ACVR1B: variants seen among roughly 807,000 people sequenced by gnomAD.
ACVR1B encodes activin A receptor type 1B.
ACVR1B carries 15 observed loss-of-function variants against 55.6 expected under a neutral mutation model. The observed-to-expected ratio is 0.27, with a 90% confidence interval of 0.18 to 0.42. The LOEUF is 0.42. Among genes scored for constraint, ACVR1B ranks in the 10% least tolerant of loss-of-function variants. ACVR1B has a pLI of 1.00. For synonymous variants in ACVR1B, 247 were observed against 254.6 expected, an observed-to-expected ratio of 0.97 and a Z score of 0.28; for missense variants, 359 against 670.1, an observed-to-expected ratio of 0.54 and a Z score of 5.13.
chr12:51,983,958 T>A, intron 4 of ACVR1B, 41 bp from the exon 5 acceptor site: 2 of 1,610,356 alleles, frequency 1.2e-6, no homozygotes, highest in Non-Finnish European at 1.7e-6. Context: ...GTTTTGCTGA[T>A]AGTTACACTT....
chr12:51,993,929 C>G, intron 8 of ACVR1B, 56 bp from the exon 9 acceptor site: 4 of 1,602,140 alleles, frequency 2.5e-6, no homozygotes, highest in Non-Finnish European at 3.4e-6. Flanking sequence ...AGCCTAGGGA[C>G]CAGAAAGGCT....
Position 51,994,137 on chromosome 12 carries a change from C to G in ACVR1B, c.*27C>G, listed in dbSNP as rs1942252892. On this transcript the variant is annotated 3_prime_UTR_variant, in exon 9 of 9. Transcript: ENST00000257963. This position sits in a 1 kb window ranked among gnomAD's most constrained non-coding sequence, Gnocchi z 4.2. The stretch of plus-strand genomic sequence containing the variant: ...TGCTCCCTCTCTCCACACGGAGCTC[C>G]TGGCAGCGAGAACTACGCACAGCTG... 1.2e-6 allele frequency: 2 copies of G among 1,610,422 alleles called. No individual in the cohort carries two copies. The highest frequency in any genetic ancestry group is 1.7e-6 in the Non-Finnish European group (2 of 1,179,666).
chr12:51,985,986 G>A (rs1032423691), intron 6 of ACVR1B, among the ~76,000 whole-genome samples: 7 of 152,098 alleles, frequency 4.6e-5, no homozygotes, highest in Non-Finnish European at 8.8e-5. Context: ...TGGGGTGGCT[G>A]GAATCATAGT....
intron 1 of ACVR1B, 127 bp from the exon 2 acceptor site, chr12:51,975,138 T>G: frequency 2.3e-6 from 3 of 1,315,344 alleles, no homozygotes; most frequent in Non-Finnish European, 3.1e-6. Context: ...GATATCTTTT[T>G]GGCCCCATCT....
chr12:51,980,754 G>A (rs184563515), intron 3 of ACVR1B, among the ~76,000 whole-genome samples: 116 of 152,266 alleles, frequency 7.6e-4, no homozygotes, highest in African/African-American at 2.7e-3. Context: ...CACGTTTCCT[G>A]TTTGTGTTCA....
At chr12:51,978,432 G>T (rs1941910124) in intron 3 of ACVR1B, among the ~76,000 whole-genome samples, 1 of 152,100 alleles carries the variant, frequency 6.6e-6, no homozygotes, top group African/African-American at 2.4e-5. Flanking sequence ...CTAATAATGT[G>T]GTTTTTAAAG....
rs148825390 is a variant in ACVR1B at position 51,992,493 on chromosome 12, C to A, written c.1392+500C>A. The stretch of plus-strand genomic sequence containing the variant: ...TTCAGCCTGGGCAACAGAGCAAGAC[C>A]CTGTCTCATAAAAGAAAAAGGACAA... On this transcript the variant is annotated intron_variant, in intron 8 of 8. Coordinates refer to ENST00000257963, the MANE Select transcript of ACVR1B (RefSeq NM_004302.5). 3.7e-4 allele frequency among the ~76,000 whole-genome samples: 57 copies of A among 152,212 alleles called. 3 individuals are homozygous for A. The East Asian group carries it at 0.011, about 29-fold the overall frequency.
At chr12:51,989,711 C>T (rs1219414677) in intron 7 of ACVR1B, among the ~76,000 whole-genome samples, 3 of 152,132 alleles carry the variant, frequency 2.0e-5, no homozygotes, top group African/African-American at 7.2e-5. Flanking sequence ...TTAGGCCGGG[C>T]GCGGTGGCTC....
At chr12:51,959,405 C>T (rs1049926689) in intron 1 of ACVR1B, among the ~76,000 whole-genome samples, 1 of 152,228 alleles carries the variant, frequency 6.6e-6, no homozygotes, top group Non-Finnish European at 1.5e-5. Context: ...ACTCTAGGAG[C>T]TGAGAGTGGT....
intron 7 of ACVR1B, among the ~76,000 whole-genome samples, chr12:51,989,700 A>G (rs947428946): frequency 5.3e-5 from 8 of 152,140 alleles, no homozygotes; most frequent in Admixed American, 1.3e-4. Flanking sequence ...AAAAATGAAC[A>G]TTAGGCCGGG....
Position 51,994,370 on chromosome 12 carries a change from C to T in ACVR1B, c.*260C>T. ...GGAGAACTCAGTGCCACACCTCGAA[C>T]TGGTTGTAGTGGGAAGTCCCGCGAA... On this transcript the variant is annotated 3_prime_UTR_variant, in exon 9 of 9. Transcript: ENST00000257963. This position sits in a 1 kb window ranked among gnomAD's most constrained non-coding sequence, Gnocchi z 4.2. 4.7e-6 allele frequency: 2 copies of T among 423,818 alleles called. No individual in the cohort carries two copies. The highest frequency in any genetic ancestry group is 8.5e-6 in the Non-Finnish European group (2 of 233,962). 26.3% of individuals were successfully genotyped at this position (423,818 alleles called of 1,614,324 possible). A position where few individuals can be genotyped will look rare whatever the true frequency, so the allele number is the denominator to read the frequency against.
At chr12:51,953,689 G>A (rs1941356162) in intron 1 of ACVR1B, among the ~76,000 whole-genome samples, 1 of 151,556 alleles carries the variant, frequency 6.6e-6, no homozygotes, top group Non-Finnish European at 1.5e-5. Context: ...TTTTTATCCT[G>A]CCCCTAATAT....
intron 1 of ACVR1B, among the ~76,000 whole-genome samples, chr12:51,955,179 A>G (rs1476761919): frequency 6.6e-6 from 1 of 152,212 alleles, no homozygotes; most frequent in East Asian, 1.9e-4. Flanking sequence ...AAGTGGCCAG[A>G]ATGGTGACTG....
rs73094760 is a variant in ACVR1B at position 51,958,247 on chromosome 12, A to G, written c.91+6413A>G. ...CATTTCCAGACTGCAAACTAAACAT[A>G]TGCATGTTGAGTACCTACCATGGTG... On this transcript the variant is annotated intron_variant, in intron 1 of 8. Transcript: ENST00000257963. Among the ~76,000 whole-genome samples the G allele has an allele frequency of 6.5e-3, 991 of 152,372 alleles. 7 individuals are homozygous for G. The highest frequency in any genetic ancestry group is 0.012 in the Non-Finnish European group (830 of 68,042).
chr12:51,992,517 A>G (rs548851517), intron 8 of ACVR1B, among the ~76,000 whole-genome samples: 14 of 152,274 alleles, frequency 9.2e-5, no homozygotes, highest in African/African-American at 2.9e-4. Context: ...GAAAAAGGAC[A>G]AGGCTTTGTC....
intron 1 of ACVR1B, among the ~76,000 whole-genome samples, chr12:51,971,153 C>T (rs1941740742): frequency 6.6e-6 from 1 of 152,164 alleles, no homozygotes; most frequent in African/African-American, 2.4e-5. Context: ...GTGTTAGGCG[C>T]CTCTATAACA....
intron 1 of ACVR1B, among the ~76,000 whole-genome samples, chr12:51,966,988 C>T (rs1051644883): frequency 2.6e-5 from 4 of 152,142 alleles, no homozygotes; most frequent in Admixed American, 1.3e-4. Flanking sequence ...TGCCTGTAAT[C>T]CCAGCACTTT....
rs984741070 is a variant in ACVR1B, at chr12:51,985,077, C to G, written c.980-115C>G. The G allele has an allele frequency of 2.7e-6, 3 of 1,110,238 alleles. No individual in the cohort carries two copies. In the African/African-American group the frequency reaches 4.8e-5, roughly 18 times the overall value. The allele number at this position is 1,110,238 out of a possible 1,614,324, so 68.8% of individuals were successfully genotyped here. ...GGCTAAAGTCACTTTTCCAGGGTCA[C>G]TGGATTAGCAGGAGGCAAAGCCAGG... On this transcript the variant is annotated intron_variant, in intron 5 of 8. Transcript: ENST00000257963.
intron 1 of ACVR1B, chr12:51,953,451 G>C: frequency 1.0e-6 from 1 of 985,390 alleles, no homozygotes. Context: ...CTGTGCTGTG[G>C]GGTTTGAGAA....
Sources: allele counts gnomAD v4.1 joint callset (sites outside exome capture counted in the v4.1 genomes callset), GRCh38; gene constraint gnomAD v4.1.1; non-coding constraint Gnocchi (gnomAD v3.1); transcripts MANE v1.5; gene names NCBI Gene and HGNC (gene_info 2026-07-23, HGNC 2026-07-21).